Variants in CATSPER3 observed in about 807,000 individuals in gnomAD.
CATSPER3 encodes cation channel sperm-associated protein 3.
CATSPER3 carries 23 observed loss-of-function variants against 36.6 expected under a neutral mutation model. The observed-to-expected ratio is 0.63, with a 90% CI of 0.45 to 0.89. The LOEUF (loss-of-function observed/expected upper bound fraction) is 0.89. Ranked by LOEUF, CATSPER3 falls within the 40% of genes least tolerant of loss-of-function variation. The pLI is 0.00. For synonymous variants in CATSPER3, 172 were observed against 184.1 expected, an observed-to-expected ratio of 0.93 and a Z score of 0.53; for missense variants, 474 against 503.9, an observed-to-expected ratio of 0.94 and a Z score of 0.57.
At position 134,996,314 on chromosome 5, in the gene CATSPER3, G is replaced by T. The variant is rs915233632; in HGVS notation, c.294G>T (p.Leu98Phe). 7 of 1,614,096 alleles carry T rather than the reference G, an allele frequency of 4.3e-6. No individual in the cohort carries two copies. Among genetic ancestry groups the T allele is most frequent in the Non-Finnish European group, 5.9e-6 (7 of 1,180,008 alleles). The change falls in exon 3 of 8, where the codon TTG (leucine) becomes TTT (phenylalanine). Residue 98 changes from leucine to phenylalanine, a missense_variant. Physicochemically the swap from Leu to Phe is conservative, Grantham distance 22. Transcript: ENST00000282611. ...TTGTGTCCATCTGCACATCTGAGTT[G>T]TCCATGAAGGTCTATGTGGACCCCA... ...IFFVSICTSE[L>F]SMKVYVDPIN...
rs1752166968 is a variant in CATSPER3 at position 135,010,451 on chromosome 5, T to C, written c.1015T>C (p.Leu339=). 6.2e-7 allele frequency: 1 copy of C among 1,613,672 alleles called. No homozygotes were observed. The highest frequency in any genetic ancestry group is 1.7e-5 in the Admixed American group (1 of 60,006). Residue 339 remains leucine, a synonymous_variant, in exon 7 of 8, where the codon TTG becomes CTG. Coordinates refer to ENST00000282611, the MANE Select transcript of CATSPER3 (RefSeq NM_178019.3). ...CTTGAGCCACACTGACCCAATGGTC[T>C]TGGATGATTTTGGCACTAGCTTACC... ...KTLSHTDPMV[L]DDFGTSLPFI... is the part of the protein sequence containing the mutation.
At position 135,004,539 on chromosome 5, in the gene CATSPER3, C is replaced by T. The variant is rs566976010; in HGVS notation, c.493-3418C>T. On this transcript the variant is annotated intron_variant, in intron 3 of 7. Transcript: ENST00000282611. ...CGAGGTGTTCATGGTCAGATGGGCA[C>T]CCCAGAGTGAGGGCGGGATCTGGCA... Among the ~76,000 whole-genome samples, 244 of 152,266 alleles carry T rather than the reference C, an allele frequency of 1.6e-3. 2 individuals are homozygous for T. The highest frequency in any genetic ancestry group is 1.7e-3 in the Non-Finnish European group (117 of 68,024).
Position 135,007,636 on chromosome 5 carries a change from A to G in CATSPER3, c.493-321A>G, listed in dbSNP as rs1216995024. Among the ~76,000 whole-genome samples the G allele has an allele frequency of 2.0e-5, 3 of 152,210 alleles. No individual in the cohort carries two copies. In the East Asian group the frequency reaches 5.8e-4, roughly 29 times the overall value. On this transcript the variant is annotated intron_variant, in intron 3 of 7. Transcript: ENST00000282611. ...AAAAGCAGGACGCCCTGAGATGACCACACAGCCAGGTTGGGGTTCAAGTGG... is the reference window on the plus strand; with the variant it reads ...AAAAGCAGGACGCCCTGAGATGACCGCACAGCCAGGTTGGGGTTCAAGTGG...
rs185593628 is a variant in CATSPER3, at chr5:134,969,450, T to C, written c.99-489T>C. The C allele has an allele frequency of 4.7e-5, 8 of 171,674 alleles. No individual in the cohort carries two copies. The East Asian group carries it at 1.3e-3, about 27-fold the overall frequency. 10.6% of individuals were successfully genotyped at this position (171,674 alleles called of 1,614,324 possible). ...GGAGAAGTTTGTTTGTCTTTGGTGT[T>C]TATTTCATGAATAGATTGTGTGCCC... On this transcript the variant is annotated intron_variant, in intron 1 of 7. Transcript: ENST00000282611.
At chr5:135,007,821 T>C in intron 3 of CATSPER3, 136 bp from the exon 4 acceptor site, 1 of 32,682 alleles carries the variant, frequency 3.1e-5, no homozygotes, top group Non-Finnish European at 6.8e-5. Flanking sequence ...CACCCACCCT[T>C]ATTGAGCATC....
At chr5:134,992,878 C>T (rs74291911) in intron 2 of CATSPER3, among the ~76,000 whole-genome samples, 5,764 of 152,256 alleles carry the variant, frequency 0.038, 151 homozygotes, top group African/African-American at 0.086. Flanking sequence ...TAGTATTCCA[C>T]GATCTGGCAA....
intron 2 of CATSPER3, among the ~76,000 whole-genome samples, chr5:134,971,014 A>G (rs1442342319): frequency 6.6e-6 from 1 of 151,696 alleles, no homozygotes; most frequent in Non-Finnish European, 1.5e-5. Flanking sequence ...CAGTGGCGCA[A>G]TCTCGGCTCA....
intron 4 of CATSPER3, among the ~76,000 whole-genome samples, chr5:135,008,579 G>A (rs1408430116): frequency 6.6e-6 from 1 of 152,150 alleles, no homozygotes; most frequent in Non-Finnish European, 1.5e-5. Context: ...CAGAGAGGCA[G>A]TGTCTTTCTG....
Position 135,009,289 on chromosome 5 carries a change from G to T in CATSPER3, c.817-82G>T, listed in dbSNP as rs1318180660. 2.1e-6 allele frequency: 3 copies of T among 1,448,834 alleles called. No individual in the cohort carries two copies. The Admixed American group carries it at 5.0e-5, about 24-fold the overall frequency. 89.7% of individuals were successfully genotyped at this position (1,448,834 alleles called of 1,614,324 possible). A position where few individuals can be genotyped will look rare whatever the true frequency, so the allele number is the denominator to read the frequency against. On this transcript the variant is annotated intron_variant, in intron 5 of 7. Coordinates refer to ENST00000282611, the MANE Select transcript of CATSPER3 (RefSeq NM_178019.3). ...GCTCCTGCTGAGGGCCTGAGCAGCGGTGCAAGACTGGGGAAGAGGAAAGAC... is the reference window on the plus strand; with the variant it reads ...GCTCCTGCTGAGGGCCTGAGCAGCGTTGCAAGACTGGGGAAGAGGAAAGAC...
chr5:134,994,759 G>C (rs1751923186), intron 2 of CATSPER3, among the ~76,000 whole-genome samples: 1 of 151,414 alleles, frequency 6.6e-6, no homozygotes, highest in South Asian at 2.1e-4. Flanking sequence ...CTCTCTCTCT[G>C]TTCTAGCCAT....
intron 3 of CATSPER3, among the ~76,000 whole-genome samples, chr5:134,999,600 A>G (rs941463759): frequency 4.6e-5 from 7 of 152,128 alleles, no homozygotes; most frequent in Admixed American, 4.6e-4. Flanking sequence ...AGTGGTTTGT[A>G]GTTCTCCTTG....
Position 135,010,458 on chromosome 5 carries a change from A to G in CATSPER3, c.1022A>G (p.Asp341Gly), listed in dbSNP as rs1414633647. The G allele has an allele frequency of 2.5e-6, 4 of 1,613,874 alleles. No homozygotes were observed. The South Asian group carries it at 3.3e-5, about 13-fold the overall frequency. Residue 341 changes from aspartate (D) to glycine (G), a missense_variant, in exon 7 of 8, where the codon GAT becomes GGT. Coordinates refer to ENST00000282611, the MANE Select transcript of CATSPER3 (RefSeq NM_178019.3). ...CACACTGACCCAATGGTCTTGGATG[A>G]TTTTGGCACTAGCTTACCCTTCATC... ...LSHTDPMVLDDFGTSLPFIDI... is the reference protein window; with the variant it reads ...LSHTDPMVLDGFGTSLPFIDI...
At chr5:134,986,905 G>T (rs886674715) in intron 2 of CATSPER3, among the ~76,000 whole-genome samples, 1 of 152,148 alleles carries the variant, frequency 6.6e-6, no homozygotes, top group Non-Finnish European at 1.5e-5. Context: ...ATAAATGCTT[G>T]ACATTAGAAA....
rs1751947095 is a variant in CATSPER3 at position 134,996,417 on chromosome 5, C to G, written c.397C>G (p.Gln133Glu). The change falls in exon 3 of 8, where the codon CAG becomes GAG. Residue 133 changes from glutamine (Q) to glutamate (E), a missense_variant. Physicochemically the swap from Gln to Glu is conservative, Grantham distance 29. Transcript: ENST00000282611. ...TATGTTTTTACCCTATGCCCTCCGC[C>G]AGCTCATGGGCAAACAGTTCACTTA... Reference protein sequence around the residue: ...IVMFLPYALRQLMGKQFTYLY... With the variant: ...IVMFLPYALRELMGKQFTYLY... 1 of 1,614,220 alleles carries G rather than the reference C, an allele frequency of 6.2e-7. No homozygotes were observed. The highest frequency in any genetic ancestry group is 8.5e-7 in the Non-Finnish European group (1 of 1,180,010).
chr5:135,010,144 C>T (rs989599229), intron 6 of CATSPER3, among the ~76,000 whole-genome samples: 5 of 152,132 alleles, frequency 3.3e-5, no homozygotes, highest in African/African-American at 7.2e-5. Context: ...GGAGAGCCTG[C>T]GCTGAGCCTC....
intron 2 of CATSPER3, among the ~76,000 whole-genome samples, chr5:134,971,434 A>G (rs770215358): frequency 6.6e-6 from 1 of 152,038 alleles, no homozygotes; most frequent in Non-Finnish European, 1.5e-5. Flanking sequence ...CAACCAACCA[A>G]AAAAACCAGA....
chr5:135,007,485 G>A (rs373360787), intron 3 of CATSPER3, among the ~76,000 whole-genome samples: 26 of 152,304 alleles, frequency 1.7e-4, no homozygotes, highest in African/African-American at 6.3e-4. Context: ...CTGTGAAGAC[G>A]GGGTCGACAA....
intron 2 of CATSPER3, among the ~76,000 whole-genome samples, chr5:134,977,594 G>A (rs576602554): frequency 1.1e-4 from 16 of 152,094 alleles, no homozygotes; most frequent in Non-Finnish European, 1.2e-4. Flanking sequence ...ACTTTTCCTC[G>A]TCTTCCTGAC....
chr5:134,977,410 A>G (rs899088221), intron 2 of CATSPER3, among the ~76,000 whole-genome samples: 2 of 152,206 alleles, frequency 1.3e-5, no homozygotes, highest in Non-Finnish European at 2.9e-5. Context: ...AAGCCCTAGG[A>G]TATGGAAACA....
Sources: allele counts gnomAD v4.1 joint callset (sites outside exome capture counted in the v4.1 genomes callset), GRCh38; gene constraint gnomAD v4.1.1; transcripts MANE v1.5; gene names NCBI Gene and HGNC (gene_info 2026-07-23, HGNC 2026-07-21).